The following GBP1 variants were observed in gnomAD, a reference collection of about 807,000 sequenced individuals.
GBP1 encodes the protein guanylate-binding protein 1.
In GBP1, 64 loss-of-function variants were observed where a neutral mutation model predicts 69.5. That is an observed-to-expected ratio of 0.92 (90% CI 0.75 to 1.13). The LOEUF (loss-of-function observed/expected upper bound fraction) is 1.13. Ranked by LOEUF, GBP1 falls within the 50% of genes most tolerant of loss-of-function variation. The probability of loss-of-function intolerance (pLI) is 0.00; values close to 1 mark genes in which losing one functional copy is unlikely to be tolerated. For missense variants in GBP1, 630 were observed against 704.1 expected, an observed-to-expected ratio of 0.89 and a Z score of 1.19; for synonymous variants, 250 against 261.2, an observed-to-expected ratio of 0.96 and a Z score of 0.41.
At chr1:89,055,008 C>T (rs1409768760) in intron 9 of GBP1, 105 bp downstream of exon 9, 32 of 1,382,006 alleles carry the variant, frequency 2.3e-5, no homozygotes. Flanking sequence ...GTAAGACACA[C>T]CTTTGTGGAT....
Position 89,053,056 on chromosome 1 carries a change from C to T in GBP1, c.*299G>A, listed in dbSNP as rs1679958724. The T allele has an allele frequency of 4.0e-6, 1 of 247,712 alleles. No individual in the cohort carries two copies. Among genetic ancestry groups the T allele is most frequent in the African/African-American group, 2.3e-5 (1 of 44,328 alleles). 15.3% of individuals were successfully genotyped at this position (247,712 alleles called of 1,614,324 possible). On this transcript the variant is annotated 3_prime_UTR_variant, in exon 11 of 11. Coordinates refer to ENST00000370473, the MANE Select transcript of GBP1 (RefSeq NM_002053.3). ...TTTCCCAAGACTTTTACCTAAGACT[C>T]TGCTCAGTATCCATTTGTCTACTGC...
At chr1:89,057,205 T>G in intron 6 of GBP1, 71 bp from the exon 7 acceptor site, 2 of 1,581,944 alleles carry the variant, frequency 1.3e-6, no homozygotes, top group Non-Finnish European at 1.7e-6. Flanking sequence ...ATTCTGAGCA[T>G]GTCAAATACC....
In GBP1 at chr1:89,056,877, G is replaced by C. The variant is rs767865821; in HGVS notation, c.1132C>G (p.His378Asp). The part of the protein sequence containing the change: ...FIRSSFKDVD[H>D]LFQKELAAQL... ...ACCGCTAACTCCTTTTGAAATAGAT[G>C]GTCCACATCTTTGAAGGAACTCCTG... Residue 378 changes from histidine (H) to aspartate (D), a missense_variant, in exon 7 of 11, where the codon CAT becomes GAT. His to Asp is a moderately conservative substitution (Grantham distance 81). This residue lies in a region of GBP1 where 367 missense variants were observed against 369.5 expected (regional missense o/e 0.99). Coordinates refer to ENST00000370473, the MANE Select transcript of GBP1 (RefSeq NM_002053.3). The C allele has an allele frequency of 6.2e-7, 1 of 1,614,108 alleles. No homozygotes were observed. The highest frequency in any genetic ancestry group is 1.7e-5 in the Admixed American group (1 of 60,002).
chr1:89,063,496 T>C (rs1224223982), intron 1 of GBP1, among the ~76,000 whole-genome samples: 1 of 152,232 alleles, frequency 6.6e-6, no homozygotes, highest in African/African-American at 2.4e-5. Flanking sequence ...TCATTTAGTT[T>C]ATTGTGGAAA....
intron 3 of GBP1, 51 bp from the exon 4 acceptor site, chr1:89,059,477 C>G: frequency 6.3e-7 from 1 of 1,589,364 alleles, no homozygotes; most frequent in Non-Finnish European, 8.6e-7. Flanking sequence ...CATCGCAGCA[C>G]TTTTCAGAGT....
Position 89,054,820 on chromosome 1 carries a change from C to A in GBP1, c.1527G>T (p.Met509Ile), listed in dbSNP as rs777867909. Reference sequence around the variant, plus strand: ...CCATCATCTGCTCATTCTTTCTTTGCATTTCCTGCAACATTTTTGCTGAAG... The same window carrying A: ...CCATCATCTGCTCATTCTTTCTTTGAATTTCCTGCAACATTTTTGCTGAAG... ...AQASAKMLQE[M>I]QRKNEQMMEQ... Residue 509 changes from methionine to isoleucine, a missense_variant, in exon 10 of 11, where the codon ATG becomes ATT. Physicochemically the swap from Met to Ile is conservative, Grantham distance 10. Transcript: ENST00000370473. 48 of 1,614,132 alleles carry A rather than the reference C, an allele frequency of 3.0e-5. No individual in the cohort carries two copies. The highest frequency in any genetic ancestry group is 3.6e-5 in the Non-Finnish European group (42 of 1,180,050).
chr1:89,058,628 G>A, intron 5 of GBP1: 1 of 622,386 alleles, frequency 1.6e-6, no homozygotes, highest in Non-Finnish European at 2.8e-6. Context: ...CATACACAAA[G>A]GTGAAAGAAC....
rs769644634 is a variant in GBP1 at position 89,063,119 on chromosome 1, A to G, written c.116T>C (p.Val39Ala). Residue 39 changes from valine (V) to alanine (A), a missense_variant, in exon 2 of 11, where the codon GTG (valine) becomes GCG (alanine). Physicochemically the swap from Val to Ala is moderately conservative, Grantham distance 64. Transcript: ENST00000370473. ...GTAGAGGCCCACAATTGCCACCACC[A>G]CCATAGGCTGTGTAATGGCAGAAAG... ...KILSAITQPM[V>A]VVAIVGLYRT... is the part of the protein sequence containing the mutation. 6.2e-7 allele frequency: 1 copy of G among 1,614,108 alleles called. No individual in the cohort carries two copies. Among genetic ancestry groups the G allele is most frequent in the Non-Finnish European group, 8.5e-7 (1 of 1,179,988 alleles).
rs34743787 is a variant in GBP1 at position 89,064,240 on chromosome 1, T to TGAGAGAGAGA, written c.-20+910_-20+919dup. Among the ~76,000 whole-genome samples, 12 of 100,066 alleles carry TGAGAGAGAGA rather than the reference T, an allele frequency of 1.2e-4. No individual in the cohort carries two copies. In the East Asian group the frequency reaches 1.3e-3, roughly 10 times the overall value. The allele number at this position is 100,066 out of a possible 152,430, so 65.6% of individuals were successfully genotyped here. A position where few individuals can be genotyped will look rare whatever the true frequency, so the allele number is the denominator to read the frequency against. ...GTGTGTGTGTGTGTGTGTGTGTGTG[T>TGAGAGAGAGA]GAGAGAGAGAGAGAGAGAGAGAGAG... On this transcript the variant is annotated intron_variant, in intron 1 of 10. Transcript: ENST00000370473.
At chr1:89,060,394 T>A in intron 2 of GBP1, 70 bp from the exon 3 acceptor site, 7 of 1,378,248 alleles carry the variant, frequency 5.1e-6, no homozygotes, top group Non-Finnish European at 6.8e-6. Flanking sequence ...AAGGAAAAAG[T>A]AGTATATTTA....
At chr1:89,056,702 G>C in intron 7 of GBP1, 152 bp downstream of exon 7, 1 of 936,940 alleles carries the variant, frequency 1.1e-6, no homozygotes, top group Non-Finnish European at 1.6e-6. Flanking sequence ...AATACAGTTG[G>C]TCCTTCTGAC....
In GBP1 at chr1:89,057,129, C is replaced by G. The variant is rs1680070009; in HGVS notation, c.880G>C (p.Glu294Gln). 6.2e-7 allele frequency: 1 copy of G among 1,614,082 alleles called. No individual in the cohort carries two copies. The highest frequency in any genetic ancestry group is 1.3e-5 in the African/African-American group (1 of 74,952). ...TTGACGTAGGTCAGCACCAGGCTCT[C>G]TAGACCTGCATATGAAGAACAAATG... ...GGIQVNGPRL[E>Q]SLVLTYVNAI... Residue 294 changes from glutamate (E) to glutamine (Q), a missense_variant, in exon 7 of 11, where the codon GAG becomes CAG. By Grantham distance (29) the Glu-to-Gln change is conservative. Around this residue, in one of 5 missense-constraint regions of GBP1, gnomAD observed 367 missense variants for 369.5 expected, o/e 0.99. Transcript: ENST00000370473.
rs966142977 is a variant in GBP1, at chr1:89,053,414, T to G, written c.1720A>C (p.Asn574His). The change falls in exon 11 of 11, where the codon AAT (asparagine) becomes CAT (histidine). Residue 574 changes from asparagine to histidine, a missense_variant. Asn to His is a moderately conservative substitution (Grantham distance 68, BLOSUM62 1). Transcript: ENST00000370473. The part of the protein sequence containing the change: ...GFQKESRIMK[N>H]EIQDLQTKMR... ...TTCGTCTGGAGATCCTGTATCTCAT[T>G]TTTCATTATTCTGCTTTCTTTTTGA... The G allele has an allele frequency of 3.1e-6, 5 of 1,613,830 alleles. No individual in the cohort carries two copies. The Admixed American group carries it at 6.7e-5, about 22-fold the overall frequency.
intron 10 of GBP1, 131 bp downstream of exon 10, chr1:89,054,551 T>C: frequency 1.2e-6 from 1 of 822,698 alleles, no homozygotes; most frequent in Non-Finnish European, 2.0e-6. Context: ...AGACAGGAAT[T>C]GAAAAGTACA....
chr1:89,062,365 C>T (rs1394202031), intron 2 of GBP1, among the ~76,000 whole-genome samples: 1 of 152,104 alleles, frequency 6.6e-6, no homozygotes, highest in African/African-American at 2.4e-5. Flanking sequence ...CACTGATGAA[C>T]CTTGAAGACA....
intron 5 of GBP1, 45 bp from the exon 6 acceptor site, chr1:89,058,279 T>G: frequency 6.6e-7 from 1 of 1,504,874 alleles, no homozygotes. Flanking sequence ...AATATAAGTG[T>G]TTCTGTAAAG....
At chr1:89,064,199 ATGTGTGTGTGTGTGTGTG>A (rs759907157) in intron 1 of GBP1, among the ~76,000 whole-genome samples, 90 of 100,774 alleles carry the variant, frequency 8.9e-4, no homozygotes, top group East Asian at 2.8e-3. Flanking sequence ...GGGGCTGGGA[ATGTGTGTGTGTGTGTGTG>A]TGTGTGTGTG....
chr1:89,061,650 G>T, intron 2 of GBP1, among the ~76,000 whole-genome samples: 1 of 152,158 alleles, frequency 6.6e-6, no homozygotes, highest in South Asian at 2.1e-4. Flanking sequence ...AGAAAAAATA[G>T]ATTAGTGGGA....
At chr1:89,054,305 T>A (rs1011385575) in intron 10 of GBP1, among the ~76,000 whole-genome samples, 1 of 152,222 alleles carries the variant, frequency 6.6e-6, no homozygotes, top group African/African-American at 2.4e-5. Context: ...TTTCACCGTG[T>A]TAGCCAGGAT....
Sources: gnomAD v4.1 joint callset for allele counts (sites outside exome capture counted in the v4.1 genomes callset) on GRCh38, gnomAD v4.1.1 for gene constraint, gnomAD v4.1.1 regional missense constraint, MANE v1.5 for transcripts, NCBI Gene and HGNC (gene_info 2026-07-23, HGNC 2026-07-21) for gene names.